Variants in PAPPA observed in about 807,000 individuals in gnomAD.
PAPPA encodes pappalysin-1.
Under a neutral mutation model 164.0 loss-of-function variants are expected in PAPPA, and 60 were observed. That is an observed-to-expected ratio of 0.37 (90% CI 0.30 to 0.45). The LOEUF (loss-of-function observed/expected upper bound fraction) is 0.45. Among genes scored for constraint, PAPPA ranks in the 20% least tolerant of loss-of-function variants. The pLI is 1.00. For missense variants in PAPPA, 1,782 were observed against 2,087.3 expected, an observed-to-expected ratio of 0.85 and a Z score of 2.85; for synonymous variants, 875 against 814.1, an observed-to-expected ratio of 1.07 and a Z score of -1.27.
Position 116,396,517 on chromosome 9 carries a change from A to T in PAPPA, c.4785A>T (p.Pro1595=), listed in dbSNP as rs1326164401. ...TSTVKTKKVT[P]FPMSCDLQGD... ...ACTTCTTCTTTCTGCAGGTCACCCCATTCCCTATGTCCTGTGATCTACAAG... is the reference window on the plus strand; with the variant it reads ...ACTTCTTCTTTCTGCAGGTCACCCCTTTCCCTATGTCCTGTGATCTACAAG... Residue 1595 remains proline, a synonymous_variant, in exon 22 of 22, where the codon CCA becomes CCT. Transcript: ENST00000328252. The T allele has an allele frequency of 1.4e-5, 11 of 780,578 alleles. No individual in the cohort carries two copies. The East Asian group carries it at 2.7e-4, about 19-fold the overall frequency. 48.4% of individuals were successfully genotyped at this position (780,578 alleles called of 1,614,324 possible). A position where few individuals can be genotyped will look rare whatever the true frequency, so the allele number is the denominator to read the frequency against.
Position 116,332,445 on chromosome 9 carries a change from C to A in PAPPA, c.3374C>A (p.Thr1125Asn). Residue 1125 changes from threonine (T) to asparagine (N), a missense_variant, in exon 12 of 22, where the codon ACC becomes AAC. Physicochemically the swap from Thr to Asn is moderately conservative, Grantham distance 65 (BLOSUM62 0). Around this residue, in one of 2 missense-constraint regions of PAPPA, gnomAD observed 1,324 missense variants for 1,656.9 expected, o/e 0.80. Transcript: ENST00000328252. ...QETISVQLLD[T>N]KDQSHDLGLH... ...ACCATCAGCGTGCAGCTGCTTGATA[C>A]CAAAGATCAGAGCCACGATCTAGGT... 1.2e-6 allele frequency: 2 copies of A among 1,613,676 alleles called. No individual in the cohort carries two copies. The highest frequency in any genetic ancestry group is 2.2e-5 in the South Asian group (2 of 91,048).
At chr9:116,272,758 C>T (rs529254198) in intron 9 of PAPPA, among the ~76,000 whole-genome samples, 2 of 152,116 alleles carry the variant, frequency 1.3e-5, no homozygotes, top group Non-Finnish European at 2.9e-5. Context: ...CTAGTAAAAG[C>T]TTGATATTAG....
chr9:116,224,172 A>G (rs1438789281), intron 5 of PAPPA, among the ~76,000 whole-genome samples: 2 of 152,196 alleles, frequency 1.3e-5, no homozygotes, highest in African/African-American at 2.4e-5. Flanking sequence ...AAAAAAACAT[A>G]TTCAGATCCT....
intron 6 of PAPPA, among the ~76,000 whole-genome samples, chr9:116,228,875 C>G (rs1298682377): frequency 6.6e-6 from 1 of 151,962 alleles, no homozygotes; most frequent in Non-Finnish European, 1.5e-5. Flanking sequence ...CAAACTGAAC[C>G]CACTTTGGGT....
intron 20 of PAPPA, among the ~76,000 whole-genome samples, chr9:116,379,486 G>C (rs1846698827): frequency 6.6e-6 from 1 of 152,126 alleles, no homozygotes; most frequent in Non-Finnish European, 1.5e-5. Flanking sequence ...TGTTAGTCCA[G>C]TGAAAATAGT....
intron 2 of PAPPA, among the ~76,000 whole-genome samples, chr9:116,202,991 C>T (rs780058603): frequency 4.6e-5 from 7 of 152,122 alleles, no homozygotes; most frequent in Admixed American, 2.6e-4. Context: ...TGAACAGGTA[C>T]GGACCCTGAG....
chr9:116,266,489 T>C (rs1176528276), intron 8 of PAPPA, among the ~76,000 whole-genome samples: 1 of 152,240 alleles, frequency 6.6e-6, no homozygotes, highest in Non-Finnish European at 1.5e-5. Flanking sequence ...CAGTGGAGTA[T>C]TTTAACTCAC....
In PAPPA at chr9:116,177,061, C is replaced by T. The variant is rs565575798; in HGVS notation, c.416-10093C>T. Reference sequence around the variant, plus strand: ...AATATGTTTCTGAGCTTATTAGAAACAGTTCTCTCCTTCTTCTTCAATTCT... The same window carrying T: ...AATATGTTTCTGAGCTTATTAGAAATAGTTCTCTCCTTCTTCTTCAATTCT... On this transcript the variant is annotated intron_variant, in intron 1 of 21. Transcript: ENST00000328252. 2.0e-5 allele frequency among the ~76,000 whole-genome samples: 3 copies of T among 151,134 alleles called. No homozygotes were observed. In the East Asian group the frequency reaches 5.9e-4, roughly 30 times the overall value.
intron 7 of PAPPA, among the ~76,000 whole-genome samples, chr9:116,253,559 A>G (rs1475262415): frequency 1.3e-5 from 2 of 152,086 alleles, no homozygotes; most frequent in Non-Finnish European, 2.9e-5. Context: ...ATCCTTACCA[A>G]CCACCCCTCA....
chr9:116,282,086 C>T (rs1420724842), intron 9 of PAPPA, among the ~76,000 whole-genome samples: 4 of 152,212 alleles, frequency 2.6e-5, no homozygotes, highest in African/African-American at 9.6e-5. Context: ...AATATACAGT[C>T]ATCCCTCAGT....
At chr9:116,385,462 T>C (rs926175638) in intron 21 of PAPPA, among the ~76,000 whole-genome samples, 2 of 151,916 alleles carry the variant, frequency 1.3e-5, no homozygotes, top group African/African-American at 4.8e-5. Flanking sequence ...CAAATTATTA[T>C]AGTAACTTTA....
At chr9:116,329,317 T>C (rs1485162488) in intron 10 of PAPPA, among the ~76,000 whole-genome samples, 1 of 152,198 alleles carries the variant, frequency 6.6e-6, no homozygotes, top group Non-Finnish European at 1.5e-5. Context: ...TTATATCTAT[T>C]TTCAATGGCT....
chr9:116,326,651 A>T (rs1845924482), intron 10 of PAPPA, among the ~76,000 whole-genome samples: 1 of 152,206 alleles, frequency 6.6e-6, no homozygotes, highest in Non-Finnish European at 1.5e-5. Context: ...ATTGTTCACT[A>T]TAGGAATAAT....
At chr9:116,386,847 C>A (rs780190956) in intron 21 of PAPPA, among the ~76,000 whole-genome samples, 2 of 152,172 alleles carry the variant, frequency 1.3e-5, no homozygotes, top group Non-Finnish European at 2.9e-5. Context: ...TCATCCCTGA[C>A]ATCCCTGGCA....
At chr9:116,392,546 A>G (rs1846907862) in intron 21 of PAPPA, among the ~76,000 whole-genome samples, 2 of 152,182 alleles carry the variant, frequency 1.3e-5, no homozygotes. Flanking sequence ...TCACCGCTTG[A>G]GCCTGCATGA....
chr9:116,274,249 A>G (rs1845171314), intron 9 of PAPPA, among the ~76,000 whole-genome samples: 1 of 152,134 alleles, frequency 6.6e-6, no homozygotes, highest in African/African-American at 2.4e-5. Flanking sequence ...TGTTCAGTGG[A>G]ATTTGTATTA....
At chr9:116,218,105 T>G (rs1844398395) in intron 4 of PAPPA, among the ~76,000 whole-genome samples, 1 of 152,168 alleles carries the variant, frequency 6.6e-6, no homozygotes, top group Non-Finnish European at 1.5e-5. Flanking sequence ...TGAGAGAGAT[T>G]TACTCGGTTA....
chr9:116,226,553 G>A (rs909983955), intron 5 of PAPPA, among the ~76,000 whole-genome samples: 2 of 152,174 alleles, frequency 1.3e-5, no homozygotes, highest in Admixed American at 6.5e-5. Flanking sequence ...ACGTCTTCCC[G>A]AGATTTTGTT....
rs1375044823 is a variant in PAPPA at position 116,187,612 on chromosome 9, A to G, written c.874A>G (p.Asn292Asp). The G allele has an allele frequency of 6.2e-7, 1 of 1,614,214 alleles. No homozygotes were observed. The highest frequency in any genetic ancestry group is 1.3e-5 in the African/African-American group (1 of 75,054). Residue 292 changes from asparagine to aspartate, a missense_variant, in exon 2 of 22, where the codon AAT becomes GAT. By Grantham distance (23) the Asn-to-Asp change is conservative. This residue lies in a region of PAPPA where 458 missense variants were observed against 430.3 expected (regional missense o/e 1.06). Transcript: ENST00000328252. The surrounding 1 kb of genome is among the most constrained non-coding windows in gnomAD (Gnocchi z 4.2). ...PQLLLQENWD[N>D]VKHAWSPMKD... ...GCTCCTCCTCCAGGAGAACTGGGAC[A>G]ATGTGAAGCATGCCTGGTCCCCCAT...
Sources: allele counts gnomAD v4.1 joint callset (sites outside exome capture counted in the v4.1 genomes callset), GRCh38; gene constraint gnomAD v4.1.1; regional missense constraint gnomAD v4.1.1; non-coding constraint Gnocchi (gnomAD v3.1); transcripts MANE v1.5; gene names NCBI Gene and HGNC (gene_info 2026-07-23, HGNC 2026-07-21).